Variants in MAP3K4 observed in about 807,000 individuals in gnomAD.
The protein encoded by MAP3K4 is MAP three kinase 1.
MAP3K4 carries 67 observed loss-of-function variants against 185.6 expected under a neutral mutation model. The observed-to-expected ratio is 0.36, with a 90% CI of 0.30 to 0.44. The LOEUF is 0.44. Ranked by LOEUF, MAP3K4 falls within the 20% of genes least tolerant of loss-of-function variation. MAP3K4 has a pLI of 1.00. For missense variants in MAP3K4, 1,551 were observed against 1,995.1 expected (o/e 0.78, Z 4.24); for synonymous variants, 702 against 710.4 (o/e 0.99, Z 0.19).
At chr6:161,015,079 A>G (rs1782027476) in intron 1 of MAP3K4, among the ~76,000 whole-genome samples, 1 of 152,156 alleles carries the variant, frequency 6.6e-6, no homozygotes, top group Non-Finnish European at 1.5e-5. Context: ...TCATAGTATA[A>G]ATTATAGTGC....
At position 161,098,334 on chromosome 6, in the gene MAP3K4, CTGCTGCTGCTGCTGCTGT is replaced by C. The variant is rs755670233; in HGVS notation, c.3588_3605del (p.Ala1197_Ala1202del). ...CATGGCAGCCCTGCTGCTGCTGCTG[CTGCTGCTGCTGCTGCTGT>C]TGCTGCCAGTCGGCCCAGCCCCTCT... On this transcript the variant is annotated inframe_deletion, in exon 17 of 27. Coordinates refer to ENST00000392142, the MANE Select transcript of MAP3K4 (RefSeq NM_005922.4). This position sits in a 1 kb window ranked among gnomAD's most constrained non-coding sequence, Gnocchi z 4.4. 2 of 1,612,076 alleles carry C rather than the reference CTGCTGCTGCTGCTGCTGT, an allele frequency of 1.2e-6. No individual in the cohort carries two copies. Among genetic ancestry groups the C allele is most frequent in the Non-Finnish European group, 1.7e-6 (2 of 1,179,060 alleles).
chr6:161,039,234 A>G (rs1184343961), intron 2 of MAP3K4, among the ~76,000 whole-genome samples: 2 of 144,930 alleles, frequency 1.4e-5, no homozygotes, highest in African/African-American at 2.6e-5. Context: ...GAATCTGGTC[A>G]GTCATACTGT....
chr6:160,998,331 TA>T (rs1781102099), intron 1 of MAP3K4, among the ~76,000 whole-genome samples: 1 of 152,178 alleles, frequency 6.6e-6, no homozygotes, highest in African/African-American at 2.4e-5. Context: ...AAAAAAGATA[TA>T]AAAAATACAT....
rs1364969242 is a variant in MAP3K4 at position 161,049,229 on chromosome 6, T to G, written c.957T>G (p.Gly319=). ...AFVRDRAGFN[G]TSVEGQCKAT... is the part of the protein sequence containing the mutation. ...TTAGAGATAGAGCTGGTTTTAATGG[T>G]ACTTCAGTAGAAGGGCAGTGCAAAG... The change falls in exon 3 of 27, where the codon GGT becomes GGG. Residue 319 remains glycine (G), a synonymous_variant. Transcript: ENST00000392142. The surrounding 1 kb of genome is among the most constrained non-coding windows in gnomAD (Gnocchi z 8.4). 26 of 1,614,048 alleles carry G rather than the reference T, an allele frequency of 1.6e-5. No individual in the cohort carries two copies. The highest frequency in any genetic ancestry group is 1.9e-5 in the Non-Finnish European group (22 of 1,180,020).
chr6:161,076,603 A>G lies in MAP3K4; in HGVS notation c.2097+2991A>G, dbSNP rs922174492. On this transcript the variant is annotated intron_variant, in intron 5 of 26. Coordinates refer to ENST00000392142, the MANE Select transcript of MAP3K4 (RefSeq NM_005922.4). This position sits in a 1 kb window ranked among gnomAD's most constrained non-coding sequence, Gnocchi z 4.2. ...ACCAAGACAATAAACATAATAATACATGATGTAGGAACATGTGACAGCCTT... is the reference window on the plus strand; with the variant it reads ...ACCAAGACAATAAACATAATAATACGTGATGTAGGAACATGTGACAGCCTT... Among the ~76,000 whole-genome samples, 2 of 152,198 alleles carry G rather than the reference A, an allele frequency of 1.3e-5. No homozygotes were observed. Among genetic ancestry groups the G allele is most frequent in the Admixed American group, 6.5e-5 (1 of 15,268 alleles).
intron 1 of MAP3K4, among the ~76,000 whole-genome samples, chr6:161,001,643 G>A (rs1005866010): frequency 1.3e-5 from 2 of 152,186 alleles, no homozygotes; most frequent in Non-Finnish European, 2.9e-5. Flanking sequence ...CTAACAGCAG[G>A]TTCTTTGCTG....
rs891541115 is a variant in MAP3K4 at position 161,109,908 on chromosome 6, A to G, written c.4390A>G (p.Ile1464Val). The change falls in exon 23 of 27, where the codon ATT becomes GTT. Residue 1464 changes from isoleucine to valine, a missense_variant. Ile to Val is a conservative substitution (Grantham distance 29). Coordinates refer to ENST00000392142, the MANE Select transcript of MAP3K4 (RefSeq NM_005922.4). The surrounding 1 kb of genome is among the most constrained non-coding windows in gnomAD (Gnocchi z 5.7). ...LHEHGIVHRD[I>V]KGANIFLTSS... ...TGAGCATGGCATAGTCCACCGTGAC[A>G]TTAAAGGTAATCCCACACCCGCCTG... is the stretch of plus-strand genomic sequence containing the variant. 1 of 1,613,792 alleles carries G rather than the reference A, an allele frequency of 6.2e-7. No homozygotes were observed. The highest frequency in any genetic ancestry group is 8.5e-7 in the Non-Finnish European group (1 of 1,180,010).
chr6:161,022,317 C>T lies in MAP3K4; in HGVS notation c.153-11942C>T, dbSNP rs1782441468. ...AGATAAATAAACCAGGCAGAATCCC[C>T]ACTTTTTCTCTCATTTAACTTGTAG... On this transcript the variant is annotated intron_variant, in intron 1 of 26. Transcript: ENST00000392142. The surrounding 1 kb of genome is among the most constrained non-coding windows in gnomAD (Gnocchi z 4.2). The T allele has an allele frequency of 6.6e-6, 1 of 152,236 alleles. No homozygotes were observed. Among genetic ancestry groups the T allele is most frequent in the Non-Finnish European group, 1.5e-5 (1 of 68,042 alleles). 9.4% of individuals were successfully genotyped at this position (152,236 alleles called of 1,614,324 possible). A position where few individuals can be genotyped will look rare whatever the true frequency, so the allele number is the denominator to read the frequency against.
In MAP3K4 at chr6:161,115,019, CCT is replaced by C; in HGVS notation, c.4627-103_4627-102del. On this transcript the variant is annotated intron_variant, in intron 25 of 26. Transcript: ENST00000392142. This position sits in a 1 kb window ranked among gnomAD's most constrained non-coding sequence, Gnocchi z 6.0. ...CCCTTTCAGTAAAAATTTGCTGTCC[CCT>C]GATATATATTAATGATGAGATGCTT... 2.9e-6 allele frequency: 3 copies of C among 1,038,476 alleles called. No individual in the cohort carries two copies. The East Asian group carries it at 7.3e-5, about 25-fold the overall frequency. 64.3% of individuals were successfully genotyped at this position (1,038,476 alleles called of 1,614,324 possible). A position where few individuals can be genotyped will look rare whatever the true frequency, so the allele number is the denominator to read the frequency against.
intron 1 of MAP3K4, among the ~76,000 whole-genome samples, chr6:160,998,460 C>T (rs763421638): frequency 1.5e-4 from 23 of 152,196 alleles, no homozygotes; most frequent in Non-Finnish European, 2.8e-4. Flanking sequence ...AGTTTCTTTA[C>T]GTTGAATTGT....
intron 3 of MAP3K4, among the ~76,000 whole-genome samples, chr6:161,057,960 G>A (rs896831701): frequency 6.6e-6 from 1 of 152,256 alleles, no homozygotes; most frequent in African/African-American, 2.4e-5. Context: ...TAGGATAGAA[G>A]TCATCAACTT....
intron 25 of MAP3K4, among the ~76,000 whole-genome samples, chr6:161,113,631 G>A (rs940944897): frequency 6.6e-5 from 10 of 152,056 alleles, no homozygotes; most frequent in African/African-American, 2.2e-4. Flanking sequence ...GGGGATATGG[G>A]AAGTCTCTGT....
intron 1 of MAP3K4, among the ~76,000 whole-genome samples, chr6:161,014,162 T>C (rs113562827): frequency 8.0e-4 from 122 of 152,368 alleles, no homozygotes; most frequent in Middle Eastern, 3.4e-3. Flanking sequence ...TCTTCCTTTA[T>C]GCAAAATGCT....
In MAP3K4 at chr6:161,071,574, A is replaced by G. The variant is rs553196833; in HGVS notation, c.1950+724A>G. 2.6e-5 allele frequency among the ~76,000 whole-genome samples: 4 copies of G among 152,234 alleles called. No homozygotes were observed. The highest frequency in any genetic ancestry group is 4.4e-5 in the Non-Finnish European group (3 of 68,048). Reference sequence around the variant, plus strand: ...GGCTCTGTGAATGGTAAGACAAAGCATAGGTGAGCAGTGCAGATTGAGGAA... The same window carrying G: ...GGCTCTGTGAATGGTAAGACAAAGCGTAGGTGAGCAGTGCAGATTGAGGAA... On this transcript the variant is annotated intron_variant, in intron 4 of 26. Transcript: ENST00000392142. This position sits in a 1 kb window ranked among gnomAD's most constrained non-coding sequence, Gnocchi z 4.6.
chr6:161,094,732 T>C (rs942270434), intron 15 of MAP3K4, among the ~76,000 whole-genome samples: 2 of 152,354 alleles, frequency 1.3e-5, no homozygotes, highest in African/African-American at 4.8e-5. Context: ...TTATACCTCT[T>C]TTTCTCCCAA....
intron 1 of MAP3K4, among the ~76,000 whole-genome samples, chr6:161,032,874 G>A (rs948972806): frequency 6.6e-6 from 1 of 150,708 alleles, no homozygotes; most frequent in Non-Finnish European, 1.5e-5. Flanking sequence ...CATGTCTTGT[G>A]TGTACACATA....
In MAP3K4 at chr6:161,086,667, G is replaced by A. The variant is rs751749957; in HGVS notation, c.2556G>A (p.Lys852=). Residue 852 remains lysine (K), a splice_region_variant and synonymous_variant, in exon 9 of 27, where the codon AAG becomes AAA. Transcript: ENST00000392142. This position sits in a 1 kb window ranked among gnomAD's most constrained non-coding sequence, Gnocchi z 4.8. ...LDVLKSKQYV[K]VQIPGLENLQ... is the part of the protein sequence containing the mutation. ...TTCTGAAATCAAAACAGTATGTCAA[G>A]GTAAGTACTTCAAATGTTGTGATTG... 6.2e-7 allele frequency: 1 copy of A among 1,607,844 alleles called. No homozygotes were observed. The highest frequency in any genetic ancestry group is 8.5e-7 in the Non-Finnish European group (1 of 1,177,928).
intron 2 of MAP3K4, among the ~76,000 whole-genome samples, chr6:161,045,103 G>C (rs888176899): frequency 6.6e-6 from 1 of 152,074 alleles, no homozygotes; most frequent in Non-Finnish European, 1.5e-5. Context: ...TATCCTTTTT[G>C]CACAGTAGCT....
intron 3 of MAP3K4, among the ~76,000 whole-genome samples, chr6:161,058,975 T>C (rs1230357662): frequency 6.6e-6 from 1 of 152,200 alleles, no homozygotes; most frequent in African/African-American, 2.4e-5. Flanking sequence ...TGAAATGGAA[T>C]TGTTAGGTCA....
Sources: allele counts gnomAD v4.1 joint callset (sites outside exome capture counted in the v4.1 genomes callset), GRCh38; gene constraint gnomAD v4.1.1; non-coding constraint Gnocchi (gnomAD v3.1); transcripts MANE v1.5; gene names NCBI Gene and HGNC (gene_info 2026-07-23, HGNC 2026-07-21).